The following ARHGEF18 variants were observed in gnomAD, a reference collection of about 807,000 sequenced individuals.
ARHGEF18 encodes the protein Rho/Rac guanine nucleotide exchange factor 18, also known as rho guanine nucleotide exchange factor 18.
A neutral mutation model predicts 155.7 loss-of-function variants in ARHGEF18; 93 were observed. The observed-to-expected ratio is 0.60, with a 90% CI of 0.50 to 0.71. The LOEUF is 0.71. Among genes scored for constraint, ARHGEF18 ranks in the 30% least tolerant of loss-of-function variants. The pLI is 0.00. For synonymous variants in ARHGEF18, 742 were observed against 753.1 expected, an observed-to-expected ratio of 0.99 and a Z score of 0.24; for missense variants, 1,593 against 1,816.1, an observed-to-expected ratio of 0.88 and a Z score of 2.23.
intron 10 of ARHGEF18, among the ~76,000 whole-genome samples, chr19:7,393,652 T>C (rs1243605576): frequency 6.6e-6 from 1 of 151,778 alleles, no homozygotes; most frequent in East Asian, 1.9e-4. Flanking sequence ...CTGATGGCAA[T>C]TGAGAGGTTG....
chr19:7,453,301 G>A (rs1294210857), intron 16 of ARHGEF18, among the ~76,000 whole-genome samples, 166 bp from the exon 17 acceptor site: 1 of 152,058 alleles, frequency 6.6e-6, no homozygotes, highest in Admixed American at 6.6e-5. Context: ...TGATCTTGAG[G>A]GTCTTCTGAG....
Position 7,470,449 on chromosome 19 carries a change from C to A in ARHGEF18, c.*151C>A. 1.4e-6 allele frequency: 1 copy of A among 702,770 alleles called. No individual in the cohort carries two copies. Among genetic ancestry groups the A allele is most frequent in the Non-Finnish European group, 2.0e-6 (1 of 500,658 alleles). The allele number at this position is 702,770 out of a possible 1,614,324, so 43.5% of individuals were successfully genotyped here. On this transcript the variant is annotated 3_prime_UTR_variant, in exon 29 of 29. Transcript: ENST00000668164. This position sits in a 1 kb window ranked among gnomAD's most constrained non-coding sequence, Gnocchi z 5.9. ...GACCGCCTGGCAGGGGCCAGCCTGT[C>A]GGTGCTCTGGGCCTTGCAGCTGTTT... is the stretch of plus-strand genomic sequence containing the variant.
At chr19:7,433,507 C>CAAAAAAAA (rs35825715) in intron 10 of ARHGEF18, among the ~76,000 whole-genome samples, 2 of 58,284 alleles carry the variant, frequency 3.4e-5, no homozygotes, top group Non-Finnish European at 5.9e-5. Flanking sequence ...ACTCCGTCTC[C>CAAAAAAAA]AAAAAAAAAA....
rs572944914 is a variant in ARHGEF18 at position 7,388,390 on chromosome 19, G to A, written c.967+5187G>A. On this transcript the variant is annotated intron_variant, in intron 10 of 28. Transcript: ENST00000668164. ...ATTACTGGTATGAACTACTGAGCCCGGTCTGTAAGTGCTCTAAACCGATTT... is the reference window on the plus strand; with the variant it reads ...ATTACTGGTATGAACTACTGAGCCCAGTCTGTAAGTGCTCTAAACCGATTT... Among the ~76,000 whole-genome samples the A allele has an allele frequency of 5.3e-5, 8 of 151,722 alleles. No homozygotes were observed. In the South Asian group the frequency reaches 8.4e-4, roughly 16 times the overall value.
At position 7,451,138 on chromosome 19, in the gene ARHGEF18, C is replaced by G. The variant is rs199982829; in HGVS notation, c.1738-11C>G. ...AGATGTTAATACAGGATCTTGCTTT[C>G]TGTTTCCTAGAAAATTGGCAACTTC... On this transcript the variant is annotated splice_polypyrimidine_tract_variant and intron_variant, in intron 15 of 28. Coordinates refer to ENST00000668164, the MANE Select transcript of ARHGEF18 (RefSeq NM_001367823.1). 1.2e-4 allele frequency: 193 copies of G among 1,612,418 alleles called. 2 individuals carry two copies. The Middle Eastern group carries it at 2.1e-3, about 18-fold the overall frequency.
intron 2 of ARHGEF18, among the ~76,000 whole-genome samples, chr19:7,365,265 A>G (rs1333905109): frequency 6.6e-6 from 1 of 152,168 alleles, no homozygotes; most frequent in Non-Finnish European, 1.5e-5. Flanking sequence ...TGTCTCTACT[A>G]AAAATACAAA....
chr19:7,394,621 G>A (rs1346334078), intron 10 of ARHGEF18, among the ~76,000 whole-genome samples: 10 of 128,658 alleles, frequency 7.8e-5, no homozygotes, highest in African/African-American at 3.0e-4. Context: ...CCCCAACCCC[G>A]CTGTCCTCCC....
the ARHGEF18 span, chr19:7,478,412 G>A: frequency 2.1e-5 from 33 of 1,586,452 alleles, no homozygotes; most frequent in African/African-American, 5.4e-5. Context: ...ATGCCCCGGC[G>A]GGGAGCAGGA....
At position 7,462,254 on chromosome 19, in the gene ARHGEF18, A is replaced by C. The variant is rs773492546; in HGVS notation, c.2555A>C (p.Gln852Pro). ...AEMGGLEDLP[Q>P]PRGLFRGGDP... ...ATGGGCGGCCTCGAAGACCTGCCCCAGCCCCGAGGCCTATTCCGTGGAGGG... is the reference window on the plus strand; with the variant it reads ...ATGGGCGGCCTCGAAGACCTGCCCCCGCCCCGAGGCCTATTCCGTGGAGGG... Residue 852 changes from glutamine to proline, a missense_variant, in exon 21 of 29, where the codon CAG becomes CCG. Coordinates refer to ENST00000668164, the MANE Select transcript of ARHGEF18 (RefSeq NM_001367823.1). The surrounding 1 kb of genome is among the most constrained non-coding windows in gnomAD (Gnocchi z 4.4). The C allele has an allele frequency of 2.5e-6, 4 of 1,613,748 alleles. No individual in the cohort carries two copies. The African/African-American group carries it at 5.3e-5, about 22-fold the overall frequency.
intron 7 of ARHGEF18, among the ~76,000 whole-genome samples, chr19:7,379,882 T>G (rs1218559572): frequency 6.6e-6 from 1 of 151,958 alleles, no homozygotes; most frequent in Non-Finnish European, 1.5e-5. Context: ...ATTTAAAAAT[T>G]TGCTGGGCGA....
chr19:7,390,898 G>A (rs1971366435), intron 10 of ARHGEF18, among the ~76,000 whole-genome samples: 2 of 152,066 alleles, frequency 1.3e-5, no homozygotes, highest in African/African-American at 2.4e-5. Context: ...AAATTAGCTG[G>A]GTGTGGTGGC....
At chr19:7,350,073 C>T (rs1048948943) in intron 1 of ARHGEF18, among the ~76,000 whole-genome samples, 12 of 152,338 alleles carry the variant, frequency 7.9e-5, no homozygotes, top group African/African-American at 2.4e-4. Context: ...GGAGACATCC[C>T]CTGTCTCCTC....
intron 22 of ARHGEF18, 119 bp from the exon 23 acceptor site, chr19:7,464,441 C>A: frequency 7.8e-7 from 1 of 1,286,224 alleles, no homozygotes. Context: ...GTGCTGCAGA[C>A]GCCACCATTC....
intron 10 of ARHGEF18, among the ~76,000 whole-genome samples, chr19:7,397,306 C>T (rs1443577016): frequency 1.3e-5 from 2 of 151,854 alleles, no homozygotes; most frequent in South Asian, 2.1e-4. Context: ...CACTCTGTTG[C>T]CCAGACTGGA....
At chr19:7,439,667 T>G in intron 10 of ARHGEF18, 1 of 1,182,156 alleles carries the variant, frequency 8.5e-7, no homozygotes, top group South Asian at 2.8e-5. Flanking sequence ...TCTGTTCGAG[T>G]GCTGATGACC....
chr19:7,435,522 G>A (rs1326305799), intron 10 of ARHGEF18, among the ~76,000 whole-genome samples: 3 of 152,010 alleles, frequency 2.0e-5, no homozygotes, highest in Non-Finnish European at 2.9e-5. Context: ...GGTTCAGGAT[G>A]GGGCCCCGAG....
At chr19:7,355,579 A>G (rs1969267816) in intron 1 of ARHGEF18, 1 of 977,304 alleles carries the variant, frequency 1.0e-6, no homozygotes. Flanking sequence ...CCTGGCAGGG[A>G]TTCCCAGGCC....
chr19:7,448,904 C>G (rs1308939877), intron 15 of ARHGEF18, among the ~76,000 whole-genome samples: 1 of 152,160 alleles, frequency 6.6e-6, no homozygotes, highest in African/African-American at 2.4e-5. Flanking sequence ...GGCCCTAACA[C>G]TGCTGATTCC....
At position 7,444,543 on chromosome 19, in the gene ARHGEF18, C is replaced by A; in HGVS notation, c.1611+89C>A. ...TCTTTTTTTCTGAGATAGGGTCTTG[C>A]CGTGTCGCCCAGGCTGGAGTGCAGT... On this transcript the variant is annotated intron_variant, in intron 14 of 28. Coordinates refer to ENST00000668164, the MANE Select transcript of ARHGEF18 (RefSeq NM_001367823.1). This position sits in a 1 kb window ranked among gnomAD's most constrained non-coding sequence, Gnocchi z 4.7. 1.3e-6 allele frequency: 2 copies of A among 1,521,272 alleles called. No homozygotes were observed. Among genetic ancestry groups the A allele is most frequent in the Non-Finnish European group, 1.8e-6 (2 of 1,135,654 alleles). The allele number at this position is 1,521,272 out of a possible 1,614,324, so 94.2% of individuals were successfully genotyped here.
Sources: allele counts gnomAD v4.1 joint callset (sites outside exome capture counted in the v4.1 genomes callset), GRCh38; gene constraint gnomAD v4.1.1; non-coding constraint Gnocchi (gnomAD v3.1); transcripts MANE v1.5; gene names NCBI Gene and HGNC (gene_info 2026-07-23, HGNC 2026-07-21).